VIT: variants seen among roughly 807,000 people sequenced by gnomAD.
VIT encodes vitrin.
VIT carries 99 observed loss-of-function variants against 78.0 expected under a neutral mutation model. That is an observed-to-expected ratio of 1.27 (90% confidence interval 1.08 to 1.50). The LOEUF (loss-of-function observed/expected upper bound fraction) is 1.50. Among genes scored for constraint, VIT ranks in the 40% most tolerant of loss-of-function variants. The pLI is 0.00. For missense variants in VIT, 1,126 were observed against 875.3 expected, an observed-to-expected ratio of 1.29 and a Z score of -3.61; for synonymous variants, 374 against 334.3, an observed-to-expected ratio of 1.12 and a Z score of -1.29.
intron 12 of VIT, among the ~76,000 whole-genome samples, chr2:36,793,123 C>A (rs1665623662): frequency 6.6e-6 from 1 of 152,134 alleles, no homozygotes; most frequent in Admixed American, 6.5e-5. Flanking sequence ...TTCCCCAACA[C>A]TCACTGAGCC....
chr2:36,797,080 T>C (rs1665957042), intron 12 of VIT, among the ~76,000 whole-genome samples: 1 of 146,970 alleles, frequency 6.8e-6, no homozygotes, highest in African/African-American at 2.4e-5. Context: ...GTAGCCAATA[T>C]GTTTTTTTGT....
intron 12 of VIT, among the ~76,000 whole-genome samples, chr2:36,794,428 C>G (rs1304362826): frequency 1.3e-5 from 2 of 152,150 alleles, no homozygotes; most frequent in Non-Finnish European, 2.9e-5. Context: ...CCTCTTTGAA[C>G]TTTTAGTCTC....
At chr2:36,798,410 G>C (rs1483985501) in intron 12 of VIT, among the ~76,000 whole-genome samples, 1 of 152,156 alleles carries the variant, frequency 6.6e-6, no homozygotes, top group Non-Finnish European at 1.5e-5. Context: ...GATGGGGGCT[G>C]ATGGGCTGTA....
intron 14 of VIT, among the ~76,000 whole-genome samples, chr2:36,807,675 A>G (rs1373953404): frequency 6.6e-6 from 1 of 152,352 alleles, no homozygotes; most frequent in South Asian, 2.1e-4. Flanking sequence ...CCTTGGGAAC[A>G]TTATACCAGC....
In VIT at chr2:36,805,496, C is replaced by T. The variant is rs147276376; in HGVS notation, c.1221C>T (p.Ser407=). Residue 407 remains serine (S), a synonymous_variant, in exon 14 of 16, where the codon AGC becomes AGT. Coordinates refer to ENST00000379242, the MANE Select transcript of VIT (RefSeq NM_053276.4). The part of the protein sequence containing the change: ...NFFSKANGNR[S]GAPNVVVVMV... Reference sequence around the variant, plus strand: ...TTTCCAAAGCCAATGGAAACAGAAGCGGGGCTCCCAATGTGGTGGTGGTGA... The same window carrying T: ...TTTCCAAAGCCAATGGAAACAGAAGTGGGGCTCCCAATGTGGTGGTGGTGA... The T allele has an allele frequency of 4.1e-4, 665 of 1,613,880 alleles. 7 individuals carry two copies. The African/African-American group carries it at 7.5e-3, about 18-fold the overall frequency.
chr2:36,785,660 G>GTA (rs1418989392), intron 11 of VIT, among the ~76,000 whole-genome samples: 1 of 152,160 alleles, frequency 6.6e-6, no homozygotes, highest in East Asian at 1.9e-4. Context: ...CAGACAGGAG[G>GTA]TAAAAGCTTT....
chr2:36,720,108 C>T (rs536938227), intron 2 of VIT, among the ~76,000 whole-genome samples: 7 of 152,020 alleles, frequency 4.6e-5, no homozygotes, highest in Non-Finnish European at 1.0e-4. Flanking sequence ...ATTGAAATTC[C>T]GATGGCATTT....
At chr2:36,791,603 G>T (rs1344180068) in intron 12 of VIT, among the ~76,000 whole-genome samples, 1 of 152,214 alleles carries the variant, frequency 6.6e-6, no homozygotes, top group Non-Finnish European at 1.5e-5. Flanking sequence ...TCATTCAAAG[G>T]GAGGTGTGAC....
intron 12 of VIT, among the ~76,000 whole-genome samples, chr2:36,795,783 G>T (rs1301388976): frequency 1.3e-5 from 2 of 151,978 alleles, no homozygotes; most frequent in Non-Finnish European, 2.9e-5. Flanking sequence ...ACATTTTTGT[G>T]CTTGTCTTTG....
At chr2:36,745,114 A>G (rs1408499478) in intron 4 of VIT, among the ~76,000 whole-genome samples, 1 of 152,098 alleles carries the variant, frequency 6.6e-6, no homozygotes, top group Admixed American at 6.6e-5. Context: ...TTTGTGGACA[A>G]TCAGATAGTT....
intron 5 of VIT, among the ~76,000 whole-genome samples, chr2:36,756,495 A>G (rs1489471186): frequency 6.6e-6 from 1 of 152,170 alleles, no homozygotes. Flanking sequence ...GTTTTCTAGC[A>G]CTGCTAGGCA....
chr2:36,776,344 A>T (rs1670043290), intron 9 of VIT, among the ~76,000 whole-genome samples: 1 of 152,204 alleles, frequency 6.6e-6, no homozygotes, highest in African/African-American at 2.4e-5. Flanking sequence ...ATCACAACTG[A>T]CTGCAGGAGC....
At chr2:36,774,981 G>A (rs745372443) in intron 8 of VIT, 21 bp from the exon 9 acceptor site, 2 of 1,613,600 alleles carry the variant, frequency 1.2e-6, no homozygotes. Context: ...TAAATCGGCT[G>A]ACCCTGTGTA....
At chr2:36,795,262 T>C (rs11124545) in intron 12 of VIT, among the ~76,000 whole-genome samples, 112,512 of 151,602 alleles carry the variant, frequency 0.74, 42,139 homozygotes, top group East Asian at 0.99. Context: ...ATTTTTTGGA[T>C]ATGTGTAGAG....
chr2:36,748,880 CT>C (rs1668292783), intron 4 of VIT, among the ~76,000 whole-genome samples: 2 of 152,312 alleles, frequency 1.3e-5, no homozygotes, highest in South Asian at 4.1e-4. Context: ...TGATGGTTTA[CT>C]TGATATTTGG....
chr2:36,701,132 G>A (rs1432481409), intron 1 of VIT, among the ~76,000 whole-genome samples: 1 of 151,826 alleles, frequency 6.6e-6, no homozygotes, highest in African/African-American at 2.4e-5. Context: ...CTCCTTGCAG[G>A]TAGAGACACC....
In VIT at chr2:36,796,129, C is replaced by T. The variant is rs911436723; in HGVS notation, c.1059-5172C>T. Among the ~76,000 whole-genome samples, 6 of 125,382 alleles carry T rather than the reference C, an allele frequency of 4.8e-5. No individual in the cohort carries two copies. In the East Asian group the frequency reaches 1.5e-3, roughly 31 times the overall value. The allele number at this position is 125,382 out of a possible 152,430, so 82.3% of individuals were successfully genotyped here. On this transcript the variant is annotated intron_variant, in intron 12 of 15. Coordinates refer to ENST00000379242, the MANE Select transcript of VIT (RefSeq NM_053276.4). ...ACTGATTAAAAAAAAAAAAAAAAAA[C>T]ATAGTGGGCAGCATAGTTGTAAGGC... is the stretch of plus-strand genomic sequence containing the variant.
At chr2:36,746,252 T>C (rs1668128196) in intron 4 of VIT, among the ~76,000 whole-genome samples, 1 of 152,150 alleles carries the variant, frequency 6.6e-6, no homozygotes, top group African/African-American at 2.4e-5. Context: ...ATCAGAGATA[T>C]TGGTCTGTAG....
chr2:36,701,344 C>G (rs1452108156), intron 1 of VIT, among the ~76,000 whole-genome samples: 1 of 152,126 alleles, frequency 6.6e-6, no homozygotes, highest in Non-Finnish European at 1.5e-5. Flanking sequence ...TAGCCAGTCT[C>G]CAAAACCTTT....
Sources: allele counts gnomAD v4.1 joint callset (sites outside exome capture counted in the v4.1 genomes callset), GRCh38; gene constraint gnomAD v4.1.1; transcripts MANE v1.5; gene names NCBI Gene and HGNC (gene_info 2026-07-23, HGNC 2026-07-21).